The following SUSD5 variants were observed in gnomAD, a reference collection of about 807,000 sequenced individuals.
SUSD5 encodes sushi domain containing 5.
In SUSD5, 33 loss-of-function variants were observed where a neutral mutation model predicts 29.5. The observed-to-expected ratio is 1.12, with a 90% CI of 0.85 to 1.49. SUSD5 has a LOEUF of 1.49. Among genes scored for constraint, SUSD5 ranks in the 40% most tolerant of loss-of-function variants. The pLI, the probability that SUSD5 is intolerant of heterozygous loss-of-function variation, is 0.00. For missense variants in SUSD5, 776 were observed against 800.6 expected (o/e 0.97, Z 0.37); for synonymous variants, 308 against 325.3 (o/e 0.95, Z 0.57).
intron 4 of SUSD5, 85 bp downstream of exon 4, chr3:33,174,801 G>T: frequency 6.7e-7 from 1 of 1,499,392 alleles, no homozygotes; most frequent in Non-Finnish European, 9.1e-7. Flanking sequence ...GTGGAGAAGA[G>T]CCCACCGCAT....
At chr3:33,165,377 G>C (rs539359020) in intron 4 of SUSD5, among the ~76,000 whole-genome samples, 55 of 152,208 alleles carry the variant, frequency 3.6e-4, no homozygotes, top group Non-Finnish European at 7.1e-4. Context: ...CTGAAAGGGA[G>C]CACCAGGAGT....
At chr3:33,214,653 C>T (rs112436201) in intron 1 of SUSD5, among the ~76,000 whole-genome samples, 15 of 152,116 alleles carry the variant, frequency 9.9e-5, no homozygotes, top group Admixed American at 2.0e-4. Flanking sequence ...GGGATGATGT[C>T]TGGTACACCT....
At chr3:33,173,379 G>A (rs2031476040) in intron 4 of SUSD5, among the ~76,000 whole-genome samples, 1 of 152,196 alleles carries the variant, frequency 6.6e-6, no homozygotes, top group African/African-American at 2.4e-5. Flanking sequence ...GGAACCAACT[G>A]AAATGTGTTC....
At chr3:33,199,282 C>CT (rs949802204) in intron 3 of SUSD5, among the ~76,000 whole-genome samples, 9 of 149,762 alleles carry the variant, frequency 6.0e-5, no homozygotes, top group African/African-American at 1.2e-4. Context: ...GTTGTTTTTT[C>CT]TTTTTTTTTG....
intron 3 of SUSD5, among the ~76,000 whole-genome samples, chr3:33,196,903 T>C (rs1375739607): frequency 6.6e-6 from 1 of 152,200 alleles, no homozygotes; most frequent in Non-Finnish European, 1.5e-5. Flanking sequence ...AGAGTCTGGG[T>C]TTGAGTCCTT....
intron 3 of SUSD5, among the ~76,000 whole-genome samples, chr3:33,180,958 T>G (rs2031657921): frequency 6.6e-6 from 1 of 150,620 alleles, no homozygotes; most frequent in Non-Finnish European, 1.5e-5. Flanking sequence ...GTGCTGGGGT[T>G]GCAGGCATGA....
chr3:33,152,436 T>A lies in SUSD5; in HGVS notation c.*306A>T. On this transcript the variant is annotated 3_prime_UTR_variant, in exon 5 of 5. Coordinates refer to ENST00000309558, the MANE Select transcript of SUSD5 (RefSeq NM_015551.2). ...CTCTGTCTCAAAAAAAAAAAGATAA[T>A]ACTGTGATGAAGGAAGAGGCGATTT... The A allele has an allele frequency of 6.5e-6, 2 of 307,842 alleles. No homozygotes were observed. The highest frequency in any genetic ancestry group is 2.1e-5 in the African/African-American group (1 of 46,514). 19.1% of individuals were successfully genotyped at this position (307,842 alleles called of 1,614,324 possible). A position where few individuals can be genotyped will look rare whatever the true frequency, so the allele number is the denominator to read the frequency against.
intron 2 of SUSD5, among the ~76,000 whole-genome samples, chr3:33,209,888 T>C (rs2032291376): frequency 6.6e-6 from 1 of 152,206 alleles, no homozygotes; most frequent in Non-Finnish European, 1.5e-5. Flanking sequence ...TTTTCATGTC[T>C]AGAGTTTCCA....
chr3:33,199,711 G>A (rs893168693), intron 3 of SUSD5, among the ~76,000 whole-genome samples: 10 of 152,178 alleles, frequency 6.6e-5, no homozygotes, highest in Admixed American at 3.3e-4. Flanking sequence ...AAATTCATAC[G>A]TTGAAACCTA....
intron 3 of SUSD5, among the ~76,000 whole-genome samples, chr3:33,178,604 G>A (rs1408847397): frequency 3.3e-5 from 5 of 152,008 alleles, no homozygotes; most frequent in African/African-American, 9.7e-5. Context: ...CCACCACCAC[G>A]CCCGGCTAAT....
intron 3 of SUSD5, among the ~76,000 whole-genome samples, chr3:33,181,262 C>T (rs1445891533): frequency 6.6e-6 from 1 of 151,958 alleles, no homozygotes; most frequent in African/African-American, 2.4e-5. Flanking sequence ...TTCACATTCA[C>T]TGAACATTCA....
intron 3 of SUSD5, among the ~76,000 whole-genome samples, chr3:33,205,189 T>C (rs534711362): frequency 9.8e-5 from 15 of 152,328 alleles, no homozygotes; most frequent in East Asian, 9.6e-4. Flanking sequence ...AATTTAAACG[T>C]TGATACAATA....
chr3:33,185,020 G>A (rs186066624), intron 3 of SUSD5, among the ~76,000 whole-genome samples: 1 of 152,352 alleles, frequency 6.6e-6, no homozygotes, highest in African/African-American at 2.4e-5. Context: ...GTGGTAAACA[G>A]GCCTTTGGGA....
chr3:33,176,788 C>T (rs551952141), intron 3 of SUSD5, among the ~76,000 whole-genome samples: 2 of 152,206 alleles, frequency 1.3e-5, no homozygotes, highest in East Asian at 1.9e-4. Context: ...GTAAGGTCTG[C>T]GTCTAGGTAA....
chr3:33,173,941 C>T (rs1045508739), intron 4 of SUSD5, among the ~76,000 whole-genome samples: 10 of 152,224 alleles, frequency 6.6e-5, no homozygotes, highest in Admixed American at 6.5e-5. Flanking sequence ...CTGGACACAG[C>T]GATTTCTGCT....
chr3:33,202,599 C>A (rs182854313), intron 3 of SUSD5, among the ~76,000 whole-genome samples: 83 of 152,200 alleles, frequency 5.5e-4, no homozygotes, highest in African/African-American at 1.9e-3. Context: ...CCTTTCAGGG[C>A]AACAGAGGGT....
intron 3 of SUSD5, among the ~76,000 whole-genome samples, chr3:33,178,307 C>A (rs1030837415): frequency 3.3e-5 from 5 of 152,164 alleles, no homozygotes; most frequent in African/African-American, 1.2e-4. Context: ...TGAAGACTAG[C>A]CTTGCACACC....
chr3:33,217,951 T>C (rs1325632920), intron 1 of SUSD5, among the ~76,000 whole-genome samples: 1 of 152,216 alleles, frequency 6.6e-6, no homozygotes, highest in Non-Finnish European at 1.5e-5. Context: ...CAAAAGGGAA[T>C]GGATACAGAG....
intron 3 of SUSD5, among the ~76,000 whole-genome samples, chr3:33,190,534 C>T (rs1231701670): frequency 6.6e-6 from 1 of 151,988 alleles, no homozygotes; most frequent in East Asian, 1.9e-4. Context: ...ATGGATTTAC[C>T]ATAATGGGCC....
Sources: gnomAD v4.1 joint callset for allele counts (sites outside exome capture counted in the v4.1 genomes callset) on GRCh38, gnomAD v4.1.1 for gene constraint, MANE v1.5 for transcripts, NCBI Gene and HGNC (gene_info 2026-07-23, HGNC 2026-07-21) for gene names.